The following ZNF69 variants were observed in gnomAD, a reference collection of about 807,000 sequenced individuals.
ZNF69 encodes ZNF3.
ZNF69 carries 47 observed loss-of-function variants against 50.9 expected under a neutral mutation model. The observed-to-expected ratio is 0.92, with a 90% CI of 0.73 to 1.18. The LOEUF is 1.18. Ranked by LOEUF, ZNF69 falls within the 50% of genes most tolerant of loss-of-function variation. The probability of loss-of-function intolerance (pLI) is 0.00; values close to 1 mark genes in which losing one functional copy is unlikely to be tolerated. For missense variants in ZNF69, 717 were observed against 675.1 expected (o/e 1.06, Z -0.69); for synonymous variants, 216 against 223.1 (o/e 0.97, Z 0.29).
At chr19:11,975,646 T>C in the ZNF69 span, among the ~76,000 whole-genome samples, 1 of 144,026 alleles carries the variant, frequency 6.9e-6, no homozygotes, top group African/African-American at 2.6e-5. Context: ...CCTACCAAAG[T>C]GTTGGGATTA....
chr19:11,965,181 G>A, the ZNF69 span: 12 of 1,614,010 alleles, frequency 7.4e-6, no homozygotes, highest in Non-Finnish European at 1.0e-5. Flanking sequence ...GCTGTAGAGA[G>A]GACCCCAGGA....
chr19:11,968,928 TACA>T, the ZNF69 span, among the ~76,000 whole-genome samples: 1 of 152,176 alleles, frequency 6.6e-6, no homozygotes, highest in Non-Finnish European at 1.5e-5. Context: ...TTCAGTCATT[TACA>T]ACATTTTACA....
chr19:11,917,439 G>A (rs185818409), downstream of ZNF69, among the ~76,000 whole-genome samples: 15 of 152,270 alleles, frequency 9.9e-5, no homozygotes, highest in East Asian at 2.1e-3. Context: ...ACACTACCTA[G>A]GAGTGGGCCA....
At chr19:11,970,310 A>C in the ZNF69 span, among the ~76,000 whole-genome samples, 53 of 152,372 alleles carry the variant, frequency 3.5e-4, no homozygotes, top group Non-Finnish European at 6.8e-4. Context: ...GGAGGTGGTC[A>C]CCAGAATGCA....
the ZNF69 span, chr19:11,949,752 C>T: frequency 6.2e-7 from 1 of 1,613,896 alleles, no homozygotes; most frequent in Non-Finnish European, 8.5e-7. Flanking sequence ...TCAGATCTGC[C>T]TCACACCTTC....
intron 1 of ZNF69, among the ~76,000 whole-genome samples, chr19:11,894,581 G>C (rs1005976954): frequency 6.6e-6 from 1 of 152,282 alleles, no homozygotes. Flanking sequence ...TCCCACAGCT[G>C]CCATGTCTCT....
At chr19:11,898,633 C>A (rs1306942922) in intron 1 of ZNF69, among the ~76,000 whole-genome samples, 1 of 152,106 alleles carries the variant, frequency 6.6e-6, no homozygotes, top group Admixed American at 6.6e-5. Flanking sequence ...TCATAATTCA[C>A]CCACCTCAGC....
chr19:11,916,004 T>G (rs1330424701), downstream of ZNF69, among the ~76,000 whole-genome samples: 1 of 152,084 alleles, frequency 6.6e-6, no homozygotes, highest in African/African-American at 2.4e-5. Context: ...GAGGAGCCCT[T>G]TATACTGAGA....
chr19:11,956,865 A>C, the ZNF69 span, among the ~76,000 whole-genome samples: 18 of 152,118 alleles, frequency 1.2e-4, no homozygotes, highest in African/African-American at 4.3e-4. Context: ...AAATAAATAA[A>C]GCTCACCTGG....
At chr19:11,893,107 T>C (rs1381194820) in intron 1 of ZNF69, among the ~76,000 whole-genome samples, 1 of 152,208 alleles carries the variant, frequency 6.6e-6, no homozygotes, top group South Asian at 2.1e-4. Context: ...AGTGGTGGGA[T>C]TACAGGTATA....
chr19:11,950,571 C>T, the ZNF69 span: 2 of 532,766 alleles, frequency 3.8e-6, no homozygotes, highest in Middle Eastern at 3.2e-4. Context: ...ATGTGCCTCG[C>T]ACCTTCAACG....
At chr19:11,957,079 A>G in the ZNF69 span, among the ~76,000 whole-genome samples, 1 of 151,290 alleles carries the variant, frequency 6.6e-6, no homozygotes, top group Admixed American at 6.6e-5. Context: ...TGTAGGTTTC[A>G]GTAAGAAATA....
At chr19:11,949,038 A>G in the ZNF69 span, 32 of 1,607,966 alleles carry the variant, frequency 2.0e-5, no homozygotes, top group African/African-American at 2.7e-5. Flanking sequence ...AATGTAAGCA[A>G]TATGGGGAAG....
At chr19:11,912,950 C>G (rs1208450652) in intron 4 of ZNF69, among the ~76,000 whole-genome samples, 1 of 152,112 alleles carries the variant, frequency 6.6e-6, no homozygotes, top group East Asian at 1.9e-4. Context: ...GCCCGTAATC[C>G]CACCAGTTTG....
At chr19:11,889,065 G>A (rs1019735065) in intron 1 of ZNF69, among the ~76,000 whole-genome samples, 5 of 152,146 alleles carry the variant, frequency 3.3e-5, no homozygotes, top group East Asian at 1.9e-4. Context: ...GTGGCAGCTG[G>A]TTGAGAGTGT....
chr19:11,941,291 G>A, the ZNF69 span, among the ~76,000 whole-genome samples: 12 of 152,252 alleles, frequency 7.9e-5, no homozygotes, highest in Non-Finnish European at 1.5e-4. Flanking sequence ...CGCGCCATGC[G>A]CCCGCACTCC....
the ZNF69 span, among the ~76,000 whole-genome samples, chr19:11,936,698 TC>T: frequency 6.6e-6 from 1 of 152,230 alleles, no homozygotes; most frequent in Non-Finnish European, 1.5e-5. Context: ...TTTAATTAGA[TC>T]CCATTTGTCA....
chr19:11,898,483 C>T (rs1017610414), intron 1 of ZNF69, among the ~76,000 whole-genome samples: 11 of 151,130 alleles, frequency 7.3e-5, no homozygotes, highest in East Asian at 3.9e-4. Flanking sequence ...CTCCGTCTCC[C>T]GGGTTCTAGC....
At chr19:11,913,089 C>T (rs1015274163) in intron 4 of ZNF69, among the ~76,000 whole-genome samples, 8 of 151,668 alleles carry the variant, frequency 5.3e-5, no homozygotes, top group Non-Finnish European at 1.2e-4. Flanking sequence ...CCCAGCTACT[C>T]GGCAGGCTGA....
Sources: gnomAD v4.1 joint callset for allele counts (sites outside exome capture counted in the v4.1 genomes callset) on GRCh38, gnomAD v4.1.1 for gene constraint, MANE v1.5 for transcripts, NCBI Gene and HGNC (gene_info 2026-07-23, HGNC 2026-07-21) for gene names.